Variants in TBC1D32 observed in about 807,000 individuals in gnomAD.
TBC1D32 encodes protein broad-minded.
In TBC1D32, 151 loss-of-function variants were observed where a neutral mutation model predicts 170.3. That is an observed-to-expected ratio of 0.89 (90% CI 0.78 to 1.01). The LOEUF (loss-of-function observed/expected upper bound fraction) is 1.01. TBC1D32 is among the 50% of genes least tolerant of loss of function. The pLI is 0.00. For synonymous variants in TBC1D32, 498 were observed against 488.0 expected (o/e 1.02, Z -0.27); for missense variants, 1,464 against 1,457.1 (o/e 1.00, Z -0.08).
intron 19 of TBC1D32, among the ~76,000 whole-genome samples, 193 bp from the exon 20 acceptor site, chr6:121,239,381 T>G (rs1232194807): frequency 6.6e-6 from 1 of 152,146 alleles, no homozygotes; most frequent in Non-Finnish European, 1.5e-5. Flanking sequence ...TGATACTTCA[T>G]TATCATAAAA....
At chr6:121,307,415 C>T (rs1271629960) in intron 5 of TBC1D32, among the ~76,000 whole-genome samples, 1 of 151,998 alleles carries the variant, frequency 6.6e-6, no homozygotes, top group Non-Finnish European at 1.5e-5. Context: ...CTAGGATATT[C>T]CTTTACAAGA....
At chr6:121,183,018 CAGAG>C (rs1788733710) in intron 22 of TBC1D32, among the ~76,000 whole-genome samples, 1 of 120,634 alleles carries the variant, frequency 8.3e-6, no homozygotes, top group Admixed American at 9.8e-5. Context: ...TTTCAGAAAA[CAGAG>C]AGAAAGAGAC....
chr6:121,190,435 A>C (rs1583149012), intron 22 of TBC1D32, among the ~76,000 whole-genome samples: 6 of 108,694 alleles, frequency 5.5e-5, no homozygotes, highest in Admixed American at 2.0e-4. Context: ...CCCCCTACAC[A>C]CCCACTCTCT....
At chr6:121,159,791 G>A (rs560238479) in intron 24 of TBC1D32, among the ~76,000 whole-genome samples, 1 of 152,228 alleles carries the variant, frequency 6.6e-6, no homozygotes, top group East Asian at 1.9e-4. Context: ...GACCACCTTT[G>A]TATACTTGGT....
At chr6:121,266,317 C>T (rs958921508) in intron 15 of TBC1D32, among the ~76,000 whole-genome samples, 37 of 152,114 alleles carry the variant, frequency 2.4e-4, no homozygotes, top group Non-Finnish European at 7.4e-5. Context: ...TGAAAAAAAG[C>T]TCAATATTAG....
At chr6:121,160,528 T>C (rs1249790839) in intron 23 of TBC1D32, among the ~76,000 whole-genome samples, 2 of 151,936 alleles carry the variant, frequency 1.3e-5, no homozygotes, top group Middle Eastern at 3.4e-3. Flanking sequence ...TGAAAACAAA[T>C]GAAAAACCTT....
intron 21 of TBC1D32, among the ~76,000 whole-genome samples, chr6:121,221,277 C>T (rs1794487799): frequency 6.6e-6 from 1 of 152,162 alleles, no homozygotes; most frequent in African/African-American, 2.4e-5. Flanking sequence ...AAAAAGATTC[C>T]TTTCAAAATA....
At chr6:121,161,970 A>C (rs1341498741) in intron 22 of TBC1D32, among the ~76,000 whole-genome samples, 4 of 152,186 alleles carry the variant, frequency 2.6e-5, no homozygotes, top group African/African-American at 9.7e-5. Context: ...TGTTGGCCAC[A>C]TGTATGTCTT....
rs537652136 is a variant in TBC1D32, at chr6:121,142,683, T to G, written c.2774-10931A>C. ...TATGCTATCTAATTCCTCAAGCTAT[T>G]TTTAATTTTCTATATGGAAGTTCTG... On this transcript the variant is annotated intron_variant, in intron 24 of 31. Transcript: ENST00000398212. Among the ~76,000 whole-genome samples the G allele has an allele frequency of 5.3e-5, 8 of 152,308 alleles. No homozygotes were observed. In the East Asian group the frequency reaches 1.5e-3, roughly 29 times the overall value.
intron 15 of TBC1D32, among the ~76,000 whole-genome samples, chr6:121,262,296 C>G (rs943315241): frequency 6.6e-6 from 1 of 151,934 alleles, no homozygotes; most frequent in African/African-American, 2.4e-5. Flanking sequence ...AGATACTCCA[C>G]GAGAAGATCA....
Position 121,200,298 on chromosome 6 carries a change from T to TA in TBC1D32, c.2570+4776dup, listed in dbSNP as rs200050417. Among the ~76,000 whole-genome samples, 318 of 150,178 alleles carry TA rather than the reference T, an allele frequency of 2.1e-3. 6 individuals are homozygous for TA. Among genetic ancestry groups the TA allele is most frequent in the Middle Eastern group, 3.4e-3 (1 of 292 alleles). Reference sequence around the variant, plus strand: ...TTTAGCATTGAAGATAATTCAAAGTTAAAAAAAAAGCTGCAATTCCACAGC... The same window carrying TA: ...TTTAGCATTGAAGATAATTCAAAGTTAAAAAAAAAAGCTGCAATTCCACAGC... On this transcript the variant is annotated intron_variant, in intron 22 of 31. Transcript: ENST00000398212.
At chr6:121,113,251 A>G in intron 27 of TBC1D32, 74 bp from the exon 28 acceptor site, 2 of 954,058 alleles carry the variant, frequency 2.1e-6, no homozygotes, top group South Asian at 3.1e-5. Flanking sequence ...TTCTTTTAGC[A>G]TAACTATGTT....
At chr6:121,169,612 G>A (rs1172707536) in intron 22 of TBC1D32, among the ~76,000 whole-genome samples, 1 of 152,046 alleles carries the variant, frequency 6.6e-6, no homozygotes, top group Non-Finnish European at 1.5e-5. Context: ...TTCAGTCAAG[G>A]TTTTCTTAAG....
intron 15 of TBC1D32, among the ~76,000 whole-genome samples, chr6:121,263,220 C>CAAAAAAAAA (rs749040201): frequency 7.8e-6 from 1 of 128,152 alleles, no homozygotes; most frequent in Non-Finnish European, 1.7e-5. Flanking sequence ...GCTCAAAAAA[C>CAAAAAAAAA]AAAACAAAAA....
chr6:121,318,935 C>T (rs1809304403), intron 2 of TBC1D32, among the ~76,000 whole-genome samples: 1 of 150,960 alleles, frequency 6.6e-6, no homozygotes, highest in Non-Finnish European at 1.5e-5. Flanking sequence ...GTTTATCTCT[C>T]ATAAGAGAAA....
At chr6:121,213,958 T>C (rs1187114691) in intron 21 of TBC1D32, among the ~76,000 whole-genome samples, 1 of 151,964 alleles carries the variant, frequency 6.6e-6, no homozygotes, top group Admixed American at 6.6e-5. Context: ...TGGAAAAGAA[T>C]AGAAAGCCCA....
At chr6:121,292,533 T>G (rs572453270) in intron 11 of TBC1D32, among the ~76,000 whole-genome samples, 1 of 152,318 alleles carries the variant, frequency 6.6e-6, no homozygotes, top group South Asian at 2.1e-4. Flanking sequence ...AAAATGTTAG[T>G]TACTGTTTAA....
In TBC1D32 at chr6:121,131,652, G is replaced by A; in HGVS notation, c.2874C>T (p.Ala958=). Reference sequence around the variant, plus strand: ...CCTCTCCACTGATTATATCAGGTTTGGCTTTCATCATTTTGCAAAATTGTC... The same window carrying A: ...CCTCTCCACTGATTATATCAGGTTTAGCTTTCATCATTTTGCAAAATTGTC... ...CQRQFCKMMK[A]KPDIISGEAL... is the part of the protein sequence containing the mutation. Residue 958 remains alanine (A), a synonymous_variant, in exon 25 of 32, where the codon GCC becomes GCT. Coordinates refer to ENST00000398212, the MANE Select transcript of TBC1D32 (RefSeq NM_152730.6). 6.2e-7 allele frequency: 1 copy of A among 1,611,562 alleles called. No homozygotes were observed. Among genetic ancestry groups the A allele is most frequent in the Non-Finnish European group, 8.5e-7 (1 of 1,178,708 alleles).
chr6:121,210,995 AT>A (rs35828778), intron 21 of TBC1D32, among the ~76,000 whole-genome samples: 80,876 of 151,548 alleles, frequency 0.53, 24,693 homozygotes, highest in Non-Finnish European at 0.7. Context: ...AATAAAAAAA[AT>A]ATAGACACAC....
Sources: allele counts gnomAD v4.1 joint callset (sites outside exome capture counted in the v4.1 genomes callset), GRCh38; gene constraint gnomAD v4.1.1; transcripts MANE v1.5; gene names NCBI Gene and HGNC (gene_info 2026-07-23, HGNC 2026-07-21).